Variants in NELL1 observed in about 807,000 individuals in gnomAD.
The protein encoded by NELL1 is protein kinase C-binding protein NELL1.
NELL1 carries 76 observed loss-of-function variants against 107.4 expected under a neutral mutation model. That is an observed-to-expected ratio of 0.71 (90% CI 0.59 to 0.86). The LOEUF is 0.86. Among genes scored for constraint, NELL1 ranks in the 40% least tolerant of loss-of-function variants. The probability of loss-of-function intolerance (pLI) is 0.00; values close to 1 mark genes in which losing one functional copy is unlikely to be tolerated. For synonymous variants in NELL1, 353 were observed against 341.2 expected, an observed-to-expected ratio of 1.03 and a Z score of -0.38; for missense variants, 1,024 against 1,005.5, an observed-to-expected ratio of 1.02 and a Z score of -0.25.
intron 2 of NELL1, among the ~76,000 whole-genome samples, chr11:20,765,161 T>TAAA (rs11342033): frequency 7.1e-6 from 1 of 140,242 alleles, no homozygotes; most frequent in Non-Finnish European, 1.6e-5. Flanking sequence ...CTGTCTTTGT[T>TAAA]AAAAAAAAAA....
intron 14 of NELL1, among the ~76,000 whole-genome samples, chr11:21,277,149 T>C (rs1466115868): frequency 6.6e-6 from 1 of 151,854 alleles, no homozygotes. Flanking sequence ...AATCTACTCA[T>C]CTGACAAAGG....
At chr11:21,240,771 G>T (rs567756764) in intron 14 of NELL1, among the ~76,000 whole-genome samples, 5 of 145,726 alleles carry the variant, frequency 3.4e-5, no homozygotes, top group East Asian at 2.0e-4. Context: ...TCTAGTGGGG[G>T]GGGGGAGGGG....
At chr11:21,355,656 A>C (rs952890797) in intron 14 of NELL1, among the ~76,000 whole-genome samples, 6 of 152,176 alleles carry the variant, frequency 3.9e-5, no homozygotes, top group African/African-American at 1.4e-4. Context: ...ATGATTGACC[A>C]CAAGGTTAGG....
At chr11:21,451,409 ATT>A (rs1853582783) in intron 15 of NELL1, among the ~76,000 whole-genome samples, 2 of 152,066 alleles carry the variant, frequency 1.3e-5, no homozygotes, top group Non-Finnish European at 2.9e-5. Flanking sequence ...TAAGTGTTAG[ATT>A]TAGTCTCAGA....
At chr11:21,172,300 A>G (rs1856623992) in intron 13 of NELL1, among the ~76,000 whole-genome samples, 1 of 151,858 alleles carries the variant, frequency 6.6e-6, no homozygotes, top group South Asian at 2.1e-4. Flanking sequence ...GTTTTAGCTC[A>G]AGCTTGTTAG....
intron 16 of NELL1, among the ~76,000 whole-genome samples, chr11:21,534,875 T>C (rs933612400): frequency 1.3e-5 from 2 of 152,166 alleles, no homozygotes; most frequent in Non-Finnish European, 2.9e-5. Context: ...TAAATAATAC[T>C]GGATACTGGA....
intron 14 of NELL1, among the ~76,000 whole-genome samples, chr11:21,315,384 T>C (rs1268931845): frequency 6.6e-6 from 1 of 152,078 alleles, no homozygotes; most frequent in Non-Finnish European, 1.5e-5. Context: ...CAAGGGTCGA[T>C]TGGAATAGTA....
intron 13 of NELL1, among the ~76,000 whole-genome samples, chr11:21,149,283 T>C (rs573997167): frequency 2.6e-5 from 4 of 152,300 alleles, no homozygotes; most frequent in East Asian, 3.9e-4. Context: ...TCTGAAGGAA[T>C]GGTGTATTAG....
At chr11:21,002,920 C>T (rs1852255073) in intron 12 of NELL1, among the ~76,000 whole-genome samples, 1 of 152,058 alleles carries the variant, frequency 6.6e-6, no homozygotes, top group Admixed American at 6.6e-5. Flanking sequence ...TCCCCCAATT[C>T]CTCTTCTTCT....
At chr11:21,007,205 T>C (rs898080885) in intron 12 of NELL1, among the ~76,000 whole-genome samples, 5 of 152,134 alleles carry the variant, frequency 3.3e-5, no homozygotes, top group African/African-American at 1.2e-4. Flanking sequence ...ATCCTCTTAT[T>C]GTCTGGTTAT....
intron 12 of NELL1, among the ~76,000 whole-genome samples, chr11:21,001,439 C>A (rs1379965216): frequency 6.6e-6 from 1 of 151,218 alleles, no homozygotes; most frequent in Non-Finnish European, 1.5e-5. Context: ...GTCTGACTCA[C>A]CACTTGCCAA....
At chr11:21,044,041 C>CA (rs1461672132) in intron 12 of NELL1, among the ~76,000 whole-genome samples, 1 of 152,022 alleles carries the variant, frequency 6.6e-6, no homozygotes, top group Non-Finnish European at 1.5e-5. Flanking sequence ...ATATAAATGA[C>CA]ATTTGAAACC....
chr11:20,828,162 C>G (rs72942551), intron 3 of NELL1, among the ~76,000 whole-genome samples: 10,625 of 151,298 alleles, frequency 0.07, 727 homozygotes, highest in South Asian at 0.088. Flanking sequence ...CATCTGTAAA[C>G]TAGGTATAAT....
chr11:21,294,803 T>C (rs962170808), intron 14 of NELL1, among the ~76,000 whole-genome samples: 11 of 152,072 alleles, frequency 7.2e-5, no homozygotes, highest in Non-Finnish European at 1.2e-4. Flanking sequence ...TTTTCACACA[T>C]TTATGTGAAA....
intron 2 of NELL1, among the ~76,000 whole-genome samples, chr11:20,724,024 TG>T (rs1439806752): frequency 4.5e-3 from 88 of 19,536 alleles, no homozygotes; most frequent in Admixed American, 9.2e-3. Context: ...GAAGGCAGGG[TG>T]CCATGTCCTG....
At chr11:20,890,013 A>T (rs1849586393) in intron 5 of NELL1, among the ~76,000 whole-genome samples, 1 of 152,192 alleles carries the variant, frequency 6.6e-6, no homozygotes, top group Non-Finnish European at 1.5e-5. Context: ...AAAATGCCTC[A>T]TTAAACAGGT....
At chr11:20,950,587 A>G (rs151027815) in intron 11 of NELL1, among the ~76,000 whole-genome samples, 3 of 152,290 alleles carry the variant, frequency 2.0e-5, no homozygotes, top group Non-Finnish European at 4.4e-5. Flanking sequence ...TTCTAAAGCA[A>G]ATTATTTGGT....
intron 4 of NELL1, among the ~76,000 whole-genome samples, chr11:20,884,757 T>G (rs947357549): frequency 6.6e-6 from 1 of 152,214 alleles, no homozygotes; most frequent in Non-Finnish European, 1.5e-5. Context: ...TATAGAATTT[T>G]TATCTTACTT....
intron 15 of NELL1, among the ~76,000 whole-genome samples, chr11:21,452,573 A>C (rs1853614460): frequency 6.6e-6 from 1 of 152,016 alleles, no homozygotes; most frequent in Non-Finnish European, 1.5e-5. Flanking sequence ...AATTCTGTCT[A>C]GAAGTTTATT....
Sources: allele counts gnomAD v4.1 joint callset (sites outside exome capture counted in the v4.1 genomes callset), GRCh38; gene constraint gnomAD v4.1.1; transcripts MANE v1.5; gene names NCBI Gene and HGNC (gene_info 2026-07-23, HGNC 2026-07-21).